MED17: variants seen among roughly 807,000 people sequenced by gnomAD.
MED17 encodes the protein mediator complex subunit 17, also known as mediator of RNA polymerase II transcription subunit 17.
In MED17, 49 loss-of-function variants were observed where a neutral mutation model predicts 80.8. The observed-to-expected ratio is 0.61, with a 90% CI of 0.48 to 0.77. The LOEUF (loss-of-function observed/expected upper bound fraction) is 0.77. Ranked by LOEUF, MED17 falls within the 30% of genes least tolerant of loss-of-function variation. The pLI, the probability that MED17 is intolerant of heterozygous loss-of-function variation, is 0.00. For missense variants in MED17, 718 were observed against 787.0 expected (o/e 0.91, Z 1.05); for synonymous variants, 281 against 280.4 (o/e 1.00, Z -0.02).
chr11:93,797,748 GT>G, intron 8 of MED17, 29 bp downstream of exon 8: 1 of 1,587,194 alleles, frequency 6.3e-7, no homozygotes, highest in Non-Finnish European at 8.6e-7. Flanking sequence ...ACTGTTTTCT[GT>G]TTTTTCTTTG....
At chr11:93,796,636 C>G (rs2135714966) in intron 7 of MED17, 96 bp downstream of exon 7, 1 of 1,337,510 alleles carries the variant, frequency 7.5e-7, no homozygotes, top group Non-Finnish European at 1.1e-6. Context: ...CTTGATTATT[C>G]ACATAGCAAC....
At chr11:93,794,621 A>G in intron 5 of MED17, 1 of 474,452 alleles carries the variant, frequency 2.1e-6, no homozygotes, top group East Asian at 4.2e-5. Context: ...TATCTGTGGC[A>G]TGATTATTGC....
Position 93,784,817 on chromosome 11 carries a change from C to T in MED17, c.250+54C>T, listed in dbSNP as rs183142023. On this transcript the variant is annotated intron_variant, in intron 1 of 11. Coordinates refer to ENST00000251871, the MANE Select transcript of MED17 (RefSeq NM_004268.5). ...CCCGGTCTGGGTCCCAGCACCCGCG[C>T]GGGCCTCCGCCTCTCCCGCGATGGG... The T allele has an allele frequency of 7.4e-5, 113 of 1,529,692 alleles. No individual in the cohort carries two copies. In the East Asian group the frequency reaches 2.6e-3, roughly 36 times the overall value. The allele number at this position is 1,529,692 out of a possible 1,614,324, so 94.8% of individuals were successfully genotyped here. A position where few individuals can be genotyped will look rare whatever the true frequency, so the allele number is the denominator to read the frequency against.
chr11:93,802,772 C>T (rs1943976144), intron 9 of MED17, among the ~76,000 whole-genome samples: 1 of 152,152 alleles, frequency 6.6e-6, no homozygotes. Flanking sequence ...GCCCTAAAAA[C>T]TGGGTTGATA....
In MED17 at chr11:93,790,637, T is replaced by C. The variant is rs531644250; in HGVS notation, c.481T>C (p.Leu161=). 2.7e-5 allele frequency: 44 copies of C among 1,614,044 alleles called. No individual in the cohort carries two copies. The highest frequency in any genetic ancestry group is 3.5e-5 in the Non-Finnish European group (41 of 1,180,048). ...KSLAGAAQIL[L]KGAERLTKSV... The stretch of plus-strand genomic sequence containing the variant: ...ACTTGCTGGAGCAGCACAAATCTTA[T>C]TGAAGGGGGCAGAAAGACTGACTAA... Residue 161 remains leucine, a synonymous_variant, in exon 3 of 12, where the codon TTG becomes CTG. Coordinates refer to ENST00000251871, the MANE Select transcript of MED17 (RefSeq NM_004268.5).
rs189773832 is a variant in MED17 at position 93,784,798 on chromosome 11, C to G, written c.250+35C>G. The G allele has an allele frequency of 3.9e-6, 6 of 1,533,472 alleles. No homozygotes were observed. In the Admixed American group the frequency reaches 5.9e-5, roughly 15 times the overall value. 95.0% of individuals were successfully genotyped at this position (1,533,472 alleles called of 1,614,324 possible). On this transcript the variant is annotated intron_variant, in intron 1 of 11. Coordinates refer to ENST00000251871, the MANE Select transcript of MED17 (RefSeq NM_004268.5). ...GCATCCGCTGCCCGAGTCCCCCGGTCTGGGTCCCAGCACCCGCGCGGGCCT... is the reference window on the plus strand; with the variant it reads ...GCATCCGCTGCCCGAGTCCCCCGGTGTGGGTCCCAGCACCCGCGCGGGCCT...
intron 9 of MED17, among the ~76,000 whole-genome samples, chr11:93,804,125 G>A (rs752447420): frequency 5.3e-5 from 8 of 151,278 alleles, no homozygotes; most frequent in East Asian, 3.9e-4. Context: ...GCCATCTGCC[G>A]GCTGAGAAGC....
At chr11:93,799,004 T>A (rs1175547072) in intron 8 of MED17, among the ~76,000 whole-genome samples, 1 of 152,036 alleles carries the variant, frequency 6.6e-6, no homozygotes, top group East Asian at 1.9e-4. Flanking sequence ...GCTTTAAAAC[T>A]TTTACTTCTT....
chr11:93,784,310 G>T lies in MED17; in HGVS notation c.-204G>T. 1.5e-6 allele frequency: 1 copy of T among 666,686 alleles called. No individual in the cohort carries two copies. The highest frequency in any genetic ancestry group is 2.4e-6 in the Non-Finnish European group (1 of 408,658). 41.3% of individuals were successfully genotyped at this position (666,686 alleles called of 1,614,324 possible). A position where few individuals can be genotyped will look rare whatever the true frequency, so the allele number is the denominator to read the frequency against. Reference sequence around the variant, plus strand: ...TTTGCTCCGAAAGACTTACCGAGGAGGGAGCTTGCGGTGCGTTCTGGGAAA... The same window carrying T: ...TTTGCTCCGAAAGACTTACCGAGGATGGAGCTTGCGGTGCGTTCTGGGAAA... On this transcript the variant is annotated 5_prime_UTR_variant, in exon 1 of 12. The change creates a new upstream start codon in the 5' untranslated region. Transcript: ENST00000251871.
In MED17 at chr11:93,794,902, T is replaced by G. The variant is rs1413214839; in HGVS notation, c.860-6T>G. On this transcript the variant is annotated splice_polypyrimidine_tract_variant and splice_region_variant and intron_variant, in intron 5 of 11. Transcript: ENST00000251871. ...ATAATTGATACATATATTTCTTGTC[T>G]TTCAGGTTCCCCACATTGGCAGACA... 2 of 1,614,070 alleles carry G rather than the reference T, an allele frequency of 1.2e-6. No homozygotes were observed. Among genetic ancestry groups the G allele is most frequent in the Non-Finnish European group, 1.7e-6 (2 of 1,179,910 alleles).
intron 8 of MED17, among the ~76,000 whole-genome samples, chr11:93,799,661 A>C (rs1289478392): frequency 6.6e-6 from 1 of 152,206 alleles, no homozygotes; most frequent in Non-Finnish European, 1.5e-5. Flanking sequence ...CTGTAGTCCC[A>C]GCTACTTGGG....
rs766972176 is a variant in MED17 at position 93,809,856 on chromosome 11, G to A, written c.1724G>A (p.Ser575Asn). Reference sequence around the variant, plus strand: ...TCTGCCATCACGGTGGCCTCCCCAAGTGGTGACTATGCTATTTCAGGTACT... The same window carrying A: ...TCTGCCATCACGGTGGCCTCCCCAAATGGTGACTATGCTATTTCAGGTACT... The part of the protein sequence containing the change: ...NASAITVASP[S>N]GDYAISVRNG... Residue 575 changes from serine to asparagine, a missense_variant, in exon 11 of 12, where the codon AGT (serine) becomes AAT (asparagine). Transcript: ENST00000251871. 1.2e-6 allele frequency: 2 copies of A among 1,614,210 alleles called. No individual in the cohort carries two copies. The highest frequency in any genetic ancestry group is 1.7e-6 in the Non-Finnish European group (2 of 1,180,042).
intron 1 of MED17, among the ~76,000 whole-genome samples, chr11:93,785,381 A>G (rs1251778013): frequency 6.6e-6 from 1 of 152,186 alleles, no homozygotes; most frequent in Non-Finnish European, 1.5e-5. Context: ...AAGGGAGGAG[A>G]CTAGGAGGGA....
intron 1 of MED17, chr11:93,785,041 C>G: frequency 1.8e-6 from 1 of 554,454 alleles, no homozygotes; most frequent in African/African-American, 1.9e-5. Flanking sequence ...TGTAGAGGGC[C>G]TTTAATGTAG....
rs1944116126 is a variant in MED17, at chr11:93,814,664, T to G, written c.*2600T>G. 6.6e-6 allele frequency: 1 copy of G among 152,188 alleles called. No individual in the cohort carries two copies. Among genetic ancestry groups the G allele is most frequent in the South Asian group, 2.1e-4 (1 of 4,824 alleles). 9.4% of individuals were successfully genotyped at this position (152,188 alleles called of 1,614,324 possible). A position where few individuals can be genotyped will look rare whatever the true frequency, so the allele number is the denominator to read the frequency against. On this transcript the variant is annotated 3_prime_UTR_variant, in exon 12 of 12. Transcript: ENST00000251871. ...ACATAAATATAAAGCATTAAGCAAG[T>G]GTGCTTCTAAGAGTCAAGCCAATTA...
intron 10 of MED17, chr11:93,808,318 G>A (rs997139561): frequency 1.4e-5 from 2 of 144,378 alleles, no homozygotes; most frequent in East Asian, 4.2e-4. Context: ...AGCTATAATT[G>A]GTCCCACTGT....
chr11:93,793,234 G>A, intron 3 of MED17: 1 of 159,426 alleles, frequency 6.3e-6, no homozygotes, highest in Non-Finnish European at 1.3e-5. Flanking sequence ...TTCTGCCTTA[G>A]CCTCCTCAGT....
intron 3 of MED17, chr11:93,793,509 G>C (rs182693284): frequency 2.0e-6 from 1 of 489,294 alleles, no homozygotes; most frequent in Non-Finnish European, 3.6e-6. Flanking sequence ...ATTAGACTAA[G>C]AAGTGTTTTT....
At chr11:93,807,869 A>T (rs998414451) in intron 10 of MED17, 3 of 528,670 alleles carry the variant, frequency 5.7e-6, no homozygotes, top group Non-Finnish European at 1.0e-5. Flanking sequence ...ATGAAGGACC[A>T]GTTCTGAGAC....
Sources: allele counts gnomAD v4.1 joint callset (sites outside exome capture counted in the v4.1 genomes callset), GRCh38; gene constraint gnomAD v4.1.1; transcripts MANE v1.5; gene names NCBI Gene and HGNC (gene_info 2026-07-23, HGNC 2026-07-21).